Variants in KCNQ5 observed in about 807,000 individuals in gnomAD.
KCNQ5 encodes potassium voltage-gated channel subfamily KQT member 5.
A neutral mutation model predicts 98.2 loss-of-function variants in KCNQ5; 30 were observed. That is an observed-to-expected ratio of 0.31 (90% confidence interval 0.23 to 0.41). The LOEUF (loss-of-function observed/expected upper bound fraction) is 0.41. Among genes scored for constraint, KCNQ5 ranks in the 10% least tolerant of loss-of-function variants. The pLI is 1.00. For missense variants in KCNQ5, 835 were observed against 1,182.5 expected, an observed-to-expected ratio of 0.71 and a Z score of 4.31; for synonymous variants, 458 against 449.4, an observed-to-expected ratio of 1.02 and a Z score of -0.24.
chr6:72,798,533 G>A (rs757828729), intron 1 of KCNQ5, among the ~76,000 whole-genome samples: 32 of 152,114 alleles, frequency 2.1e-4, no homozygotes, highest in Non-Finnish European at 2.9e-4. Flanking sequence ...CAGCAAGAAA[G>A]CACTCACAAA....
At chr6:72,888,752 A>G (rs1036435186) in intron 1 of KCNQ5, among the ~76,000 whole-genome samples, 1 of 152,184 alleles carries the variant, frequency 6.6e-6, no homozygotes, top group African/African-American at 2.4e-5. Context: ...CACTTGGCCA[A>G]ATATAGGGGT....
chr6:72,881,960 G>T (rs140503672), intron 1 of KCNQ5, among the ~76,000 whole-genome samples: 3 of 152,118 alleles, frequency 2.0e-5, no homozygotes, highest in African/African-American at 2.4e-5. Flanking sequence ...CAAAGTGCTG[G>T]GATTACAAGC....
At chr6:72,672,621 C>T (rs1767187025) in intron 1 of KCNQ5, among the ~76,000 whole-genome samples, 1 of 152,078 alleles carries the variant, frequency 6.6e-6, no homozygotes, top group African/African-American at 2.4e-5. Flanking sequence ...GTGACAACCT[C>T]CTGGGGCTTC....
intron 10 of KCNQ5, among the ~76,000 whole-genome samples, chr6:73,145,452 T>C (rs1429503527): frequency 6.6e-6 from 1 of 152,230 alleles, no homozygotes; most frequent in African/African-American, 2.4e-5. Context: ...CAGCTGTATG[T>C]TAACTGCTAG....
At chr6:73,133,358 C>T (rs1776315957) in intron 9 of KCNQ5, 63 bp from the exon 10 acceptor site, 2 of 1,444,436 alleles carry the variant, frequency 1.4e-6, no homozygotes, top group South Asian at 1.2e-5. Flanking sequence ...CATCAAATTA[C>T]TTACCCAAGC....
chr6:73,164,982 CTT>C (rs1223984414), intron 10 of KCNQ5, among the ~76,000 whole-genome samples: 1 of 144,416 alleles, frequency 6.9e-6, no homozygotes, highest in African/African-American at 2.5e-5. Context: ...TACTGGGAAT[CTT>C]TTTTTTTTTT....
At chr6:72,803,285 A>G (rs1378150189) in intron 1 of KCNQ5, among the ~76,000 whole-genome samples, 1 of 152,182 alleles carries the variant, frequency 6.6e-6, no homozygotes, top group Non-Finnish European at 1.5e-5. Context: ...TGCATAATAG[A>G]CTCAACAAAA....
At chr6:72,895,280 C>G (rs1177341257) in intron 1 of KCNQ5, among the ~76,000 whole-genome samples, 1 of 148,566 alleles carries the variant, frequency 6.7e-6, no homozygotes, top group Non-Finnish European at 1.5e-5. Flanking sequence ...CAGAGCGAGA[C>G]TCGGTCTCAA....
intron 1 of KCNQ5, among the ~76,000 whole-genome samples, chr6:72,627,287 T>C (rs769505849): frequency 2.3e-4 from 35 of 152,018 alleles, no homozygotes; most frequent in Non-Finnish European, 4.0e-4. Context: ...AAAGAATATA[T>C]AGAGTGAGTG....
At chr6:72,700,927 A>G (rs928507853) in intron 1 of KCNQ5, among the ~76,000 whole-genome samples, 1 of 152,204 alleles carries the variant, frequency 6.6e-6, no homozygotes, top group African/African-American at 2.4e-5. Flanking sequence ...TATTACCTAG[A>G]ATCATCAGAT....
At chr6:72,698,658 T>C (rs965087245) in intron 1 of KCNQ5, among the ~76,000 whole-genome samples, 12 of 142,654 alleles carry the variant, frequency 8.4e-5, no homozygotes, top group African/African-American at 1.8e-4. Flanking sequence ...CTTTTTTTTT[T>C]TTTTTTTTTT....
chr6:72,645,088 G>T lies in KCNQ5; in HGVS notation c.398+22501G>T, dbSNP rs1237866572. Among the ~76,000 whole-genome samples the T allele has an allele frequency of 4.6e-5, 7 of 151,642 alleles. No homozygotes were observed. The East Asian group carries it at 1.4e-3, about 30-fold the overall frequency. The stretch of plus-strand genomic sequence containing the variant: ...GTCTGTCAAATACTCTTACTTAGGG[G>T]TCATGCACAGTGGCTCATGCCTGTA... On this transcript the variant is annotated intron_variant, in intron 1 of 13. Coordinates refer to ENST00000370398, the MANE Select transcript of KCNQ5 (RefSeq NM_019842.4).
At chr6:72,980,658 C>A (rs1436887306) in intron 1 of KCNQ5, among the ~76,000 whole-genome samples, 2 of 152,090 alleles carry the variant, frequency 1.3e-5, no homozygotes, top group Non-Finnish European at 2.9e-5. Flanking sequence ...AATTGAATAC[C>A]TTTTATTGCT....
At chr6:73,104,081 A>G (rs1774907395) in intron 5 of KCNQ5, among the ~76,000 whole-genome samples, 1 of 152,114 alleles carries the variant, frequency 6.6e-6, no homozygotes, top group Non-Finnish European at 1.5e-5. Context: ...TCTATTCAAT[A>G]TAGTAGTGGA....
chr6:72,779,111 A>G (rs1036011459), intron 1 of KCNQ5, among the ~76,000 whole-genome samples: 97 of 152,144 alleles, frequency 6.4e-4, no homozygotes, highest in African/African-American at 2.3e-3. Context: ...AAAGTTTAGG[A>G]GCAGAGCCGT....
intron 1 of KCNQ5, among the ~76,000 whole-genome samples, chr6:72,907,999 T>C (rs1251179872): frequency 6.6e-6 from 1 of 152,132 alleles, no homozygotes; most frequent in Non-Finnish European, 1.5e-5. Context: ...CTTAAGAAAT[T>C]AGCACATACA....
chr6:72,954,086 C>A (rs1162216592), intron 1 of KCNQ5, among the ~76,000 whole-genome samples: 1 of 152,204 alleles, frequency 6.6e-6, no homozygotes, highest in African/African-American at 2.4e-5. Context: ...CAGACCTCAG[C>A]ACAACCACGT....
intron 9 of KCNQ5, among the ~76,000 whole-genome samples, chr6:73,128,675 A>C (rs1027413128): frequency 2.0e-5 from 3 of 152,188 alleles, no homozygotes; most frequent in African/African-American, 4.8e-5. Flanking sequence ...CTTAATCAAC[A>C]ATGGTTGGCT....
chr6:73,154,695 C>T (rs1209859204), intron 10 of KCNQ5, among the ~76,000 whole-genome samples: 1 of 152,166 alleles, frequency 6.6e-6, no homozygotes, highest in African/African-American at 2.4e-5. Flanking sequence ...ATTTATTCAA[C>T]AAATATTTCC....
Sources: allele counts gnomAD v4.1 joint callset (sites outside exome capture counted in the v4.1 genomes callset), GRCh38; gene constraint gnomAD v4.1.1; transcripts MANE v1.5; gene names NCBI Gene and HGNC (gene_info 2026-07-23, HGNC 2026-07-21).